The following SPTBN1 variants were observed in gnomAD, a reference collection of about 807,000 sequenced individuals.
SPTBN1 encodes spectrin beta chain, non-erythrocytic 1.
In SPTBN1, 32 loss-of-function variants were observed where a neutral mutation model predicts 266.4. That is an observed-to-expected ratio of 0.12 (90% confidence interval 0.09 to 0.16). SPTBN1 has a LOEUF of 0.16. Among genes scored for constraint, SPTBN1 ranks in the 10% least tolerant of loss-of-function variants. SPTBN1 has a pLI of 1.00. For synonymous variants in SPTBN1, 1,336 were observed against 1,162.2 expected, an observed-to-expected ratio of 1.15 and a Z score of -3.04; for missense variants, 2,296 against 3,067.1, an observed-to-expected ratio of 0.75 and a Z score of 5.94.
At chr2:54,585,638 G>T (rs937395560) in intron 2 of SPTBN1, among the ~76,000 whole-genome samples, 6 of 152,206 alleles carry the variant, frequency 3.9e-5, no homozygotes, top group African/African-American at 1.4e-4. Flanking sequence ...TAAAATAATT[G>T]AATGGTAGCT....
Position 54,571,576 on chromosome 2 carries a change from TACACACACACACACACACACAC to T in SPTBN1, c.149-27512_149-27491del, listed in dbSNP as rs67239523. ...ACACACACACACACACACACACACA[TACACACACACACACACACACAC>T]ACATATCTATAAATAAAGGGCTTCT... On this transcript the variant is annotated intron_variant, in intron 2 of 35. Coordinates refer to ENST00000356805, the MANE Select transcript of SPTBN1 (RefSeq NM_003128.3). 4.8e-3 allele frequency among the ~76,000 whole-genome samples: 487 copies of T among 100,736 alleles called. 3 individuals carry two copies. The highest frequency in any genetic ancestry group is 0.026 in the African/African-American group (446 of 16,858). The allele number at this position is 100,736 out of a possible 152,430, so 66.1% of individuals were successfully genotyped here.
chr2:54,491,474 A>G (rs1234527291), intron 1 of SPTBN1, among the ~76,000 whole-genome samples: 2 of 152,230 alleles, frequency 1.3e-5, no homozygotes, highest in Non-Finnish European at 2.9e-5. Flanking sequence ...TGGAGTAAAT[A>G]TGTTCCTGAA....
At chr2:54,510,484 G>C (rs941433923) in intron 1 of SPTBN1, among the ~76,000 whole-genome samples, 5 of 152,194 alleles carry the variant, frequency 3.3e-5, no homozygotes, top group African/African-American at 1.2e-4. Context: ...TCTCTGTGCA[G>C]AGTCATAGAA....
In SPTBN1 at chr2:54,499,087, C is replaced by T. The variant is rs72804691; in HGVS notation, c.-47-27285C>T. ...GAGCACAGGTGTGTCCTGAGGCCCT[C>T]ACCAGCCATGCAGAAGCCTTCAGGT... On this transcript the variant is annotated intron_variant, in intron 1 of 35. Coordinates refer to ENST00000356805, the MANE Select transcript of SPTBN1 (RefSeq NM_003128.3). 6.4e-3 allele frequency among the ~76,000 whole-genome samples: 978 copies of T among 152,220 alleles called. 4 individuals are homozygous for T. The highest frequency in any genetic ancestry group is 0.011 in the Non-Finnish European group (777 of 68,016).
chr2:54,522,428 T>G (rs1220229982), intron 1 of SPTBN1, among the ~76,000 whole-genome samples: 1 of 151,820 alleles, frequency 6.6e-6, no homozygotes, highest in Non-Finnish European at 1.5e-5. Flanking sequence ...TTCAGGAGTT[T>G]GAGACTAGCC....
rs1681667149 is a variant in SPTBN1, at chr2:54,671,049, G to C, written c.*2480G>C. 2.7e-6 allele frequency: 1 copy of C among 370,198 alleles called. No homozygotes were observed. Among genetic ancestry groups the C allele is most frequent in the African/African-American group, 2.1e-5 (1 of 47,916 alleles). The allele number at this position is 370,198 out of a possible 1,614,324, so 22.9% of individuals were successfully genotyped here. On this transcript the variant is annotated 3_prime_UTR_variant, in exon 36 of 36. Coordinates refer to ENST00000356805, the MANE Select transcript of SPTBN1 (RefSeq NM_003128.3). ...CTGTGCTATTTTACCCTGATTTTCAGTGATACAATATGGGTGACAATACTG... is the reference window on the plus strand; with the variant it reads ...CTGTGCTATTTTACCCTGATTTTCACTGATACAATATGGGTGACAATACTG...
At chr2:54,594,837 T>TTTTTTC (rs1392670438) in intron 2 of SPTBN1, among the ~76,000 whole-genome samples, 1 of 139,642 alleles carries the variant, frequency 7.2e-6, no homozygotes. Context: ...AAGTTTCTTT[T>TTTTTTC]TTTTTTTTTT....
Position 54,646,567 on chromosome 2 carries a change from ACTTCC to A in SPTBN1, c.4866+96_4866+100del, listed in dbSNP as rs1679940066. ...TGCTGGCGGCTCTGTCTGTATAAAAACTTCCCTTGTAGCCTTTGAGTGTTAAGGGG... is the reference window on the plus strand; with the variant it reads ...TGCTGGCGGCTCTGTCTGTATAAAAACTTGTAGCCTTTGAGTGTTAAGGGG... On this transcript the variant is annotated intron_variant, in intron 23 of 35. Transcript: ENST00000356805. This position sits in a 1 kb window ranked among gnomAD's most constrained non-coding sequence, Gnocchi z 4.4. The A allele has an allele frequency of 7.2e-7, 1 of 1,384,794 alleles. No individual in the cohort carries two copies. The highest frequency in any genetic ancestry group is 1.5e-5 in the African/African-American group (1 of 68,494). 85.8% of individuals were successfully genotyped at this position (1,384,794 alleles called of 1,614,324 possible).
rs1669615987 is a variant in SPTBN1, at chr2:54,507,140, T to C, written c.-47-19232T>C. On this transcript the variant is annotated intron_variant, in intron 1 of 35. Transcript: ENST00000356805. ...GGAGATTACAAAGTACATTGATCGGTTAGGGTGGGGCAGGAACAAATCACA... is the reference window on the plus strand; with the variant it reads ...GGAGATTACAAAGTACATTGATCGGCTAGGGTGGGGCAGGAACAAATCACA... Among the ~76,000 whole-genome samples, 4 of 151,906 alleles carry C rather than the reference T, an allele frequency of 2.6e-5. No individual in the cohort carries two copies. The South Asian group carries it at 8.3e-4, about 32-fold the overall frequency.
chr2:54,538,949 G>T (rs560105628), intron 2 of SPTBN1, among the ~76,000 whole-genome samples: 1 of 152,144 alleles, frequency 6.6e-6, no homozygotes, highest in South Asian at 2.1e-4. Context: ...GGAAACCCAA[G>T]CTCTCCCCAC....
At chr2:54,564,213 AGGAT>A (rs1205842335) in intron 2 of SPTBN1, among the ~76,000 whole-genome samples, 1 of 152,228 alleles carries the variant, frequency 6.6e-6, no homozygotes, top group African/African-American at 2.4e-5. Flanking sequence ...GAACATTAAA[AGGAT>A]TCTTGGAGGC....
At chr2:54,633,029 C>T (rs1572717904) in intron 17 of SPTBN1, among the ~76,000 whole-genome samples, 1 of 149,016 alleles carries the variant, frequency 6.7e-6, no homozygotes, top group Admixed American at 6.7e-5. Context: ...TAACCGAGGA[C>T]CTGTAAGAGC....
At chr2:54,596,448 C>G (rs186550387) in intron 2 of SPTBN1, among the ~76,000 whole-genome samples, 243 of 152,286 alleles carry the variant, frequency 1.6e-3, no homozygotes, top group Non-Finnish European at 2.8e-3. Flanking sequence ...CTTTGTGTGT[C>G]TCTGTTGAGT....
chr2:54,536,339 A>G (rs538911318), intron 2 of SPTBN1, among the ~76,000 whole-genome samples: 5 of 152,388 alleles, frequency 3.3e-5, no homozygotes, highest in Admixed American at 1.3e-4. Context: ...TTTAAATTTA[A>G]CAGTGCAACG....
At chr2:54,610,956 A>C (rs1460940671) in intron 3 of SPTBN1, among the ~76,000 whole-genome samples, 1 of 152,228 alleles carries the variant, frequency 6.6e-6, no homozygotes, top group Non-Finnish European at 1.5e-5. Context: ...AGGCATTTTA[A>C]GTAGGCACTC....
At chr2:54,503,193 C>T (rs188952608) in intron 1 of SPTBN1, among the ~76,000 whole-genome samples, 34 of 152,218 alleles carry the variant, frequency 2.2e-4, no homozygotes, top group African/African-American at 7.2e-4. Context: ...CTGGTGTCTC[C>T]ATGCTGATAT....
At chr2:54,566,183 TTC>T (rs1403090033) in intron 2 of SPTBN1, among the ~76,000 whole-genome samples, 8 of 126,330 alleles carry the variant, frequency 6.3e-5, no homozygotes, top group Non-Finnish European at 1.1e-4. Flanking sequence ...TTTTTCTTTT[TTC>T]TTTTTTTTTT....
chr2:54,630,400 G>A (rs563442615), intron 15 of SPTBN1, among the ~76,000 whole-genome samples: 2 of 152,302 alleles, frequency 1.3e-5, no homozygotes, highest in African/African-American at 2.4e-5. Flanking sequence ...GCCAATGAAA[G>A]TCCTGATTGT....
chr2:54,601,184 G>T (rs1429426048), intron 3 of SPTBN1, among the ~76,000 whole-genome samples: 1 of 152,144 alleles, frequency 6.6e-6, no homozygotes, highest in African/African-American at 2.4e-5. Context: ...GATATCAGTA[G>T]TTTTACAGAA....
Sources: allele counts gnomAD v4.1 joint callset (sites outside exome capture counted in the v4.1 genomes callset), GRCh38; gene constraint gnomAD v4.1.1; non-coding constraint Gnocchi (gnomAD v3.1); transcripts MANE v1.5; gene names NCBI Gene and HGNC (gene_info 2026-07-23, HGNC 2026-07-21).